NCR1: variants seen among roughly 807,000 people sequenced by gnomAD.
The protein encoded by NCR1 is natural cytotoxicity triggering receptor 1, also known as NK cell-activating receptor.
A neutral mutation model predicts 32.5 loss-of-function variants in NCR1; 30 were observed. That is an observed-to-expected ratio of 0.92 (90% CI 0.69 to 1.25). The LOEUF is 1.25. NCR1 is among the 50% of genes most tolerant of loss of function. The probability of loss-of-function intolerance (pLI) is 0.00; values close to 1 mark genes in which losing one functional copy is unlikely to be tolerated. For synonymous variants in NCR1, 169 were observed against 143.4 expected (o/e 1.18, Z -1.28); for missense variants, 369 against 380.7 (o/e 0.97, Z 0.26).
the NCR1 span, among the ~76,000 whole-genome samples, chr19:54,900,809 G>A: frequency 6.6e-6 from 1 of 152,132 alleles, no homozygotes; most frequent in Non-Finnish European, 1.5e-5. Flanking sequence ...GGGGATCGTG[G>A]TGATGGGCAG....
the NCR1 span, chr19:54,938,096 G>A: frequency 2.0e-4 from 325 of 1,613,926 alleles, 1 homozygote; most frequent in Middle Eastern, 1.6e-4. Flanking sequence ...CAAAGAATCC[G>A]CACAGAAGAG....
downstream of NCR1, among the ~76,000 whole-genome samples, chr19:54,914,091 A>AT (rs2068082133): frequency 1.3e-5 from 2 of 151,170 alleles, no homozygotes; most frequent in Non-Finnish European, 3.0e-5. Flanking sequence ...AAAAAAAAAA[A>AT]TAAGTGACTC....
intron 4 of NCR1, among the ~76,000 whole-genome samples, chr19:54,909,782 G>A (rs766755375): frequency 1.3e-5 from 2 of 150,714 alleles, no homozygotes; most frequent in Non-Finnish European, 3.0e-5. Context: ...TAAAAATACA[G>A]AAATTAGCCA....
rs1192903441 is a variant in NCR1 at position 54,910,022 on chromosome 19, C to T, written c.639C>T (p.Asp213=). Residue 213 remains aspartate (D), a synonymous_variant, in exon 5 of 7, where the codon GAC becomes GAT. Transcript: ENST00000291890. ...TTTCTTTATCTCCTTTTCCAGGCGA[C>T]ATTGAGAACACCAGCCTTGCACCTG... ...SEPVKLLVTG[D]IENTSLAPED... is the part of the protein sequence containing the mutation. 1.9e-6 allele frequency: 3 copies of T among 1,612,588 alleles called. No homozygotes were observed. Among genetic ancestry groups the T allele is most frequent in the Admixed American group, 3.3e-5 (2 of 59,822 alleles).
chr19:54,901,313 A>G (rs2067296553), upstream of NCR1, among the ~76,000 whole-genome samples: 1 of 132,490 alleles, frequency 7.5e-6, no homozygotes, highest in East Asian at 2.3e-4. Context: ...GAGAGCCGAG[A>G]TTGCGCCACT....
At chr19:54,933,902 G>A in the NCR1 span, among the ~76,000 whole-genome samples, 6 of 152,322 alleles carry the variant, frequency 3.9e-5, no homozygotes, top group Admixed American at 3.3e-4. Flanking sequence ...GCAGGAAGGC[G>A]AGAAGGCCAA....
Position 54,912,599 on chromosome 19 carries a change from C to CAAA in NCR1, c.734-54_734-52dup, listed in dbSNP as rs60025694. 35 of 375,312 alleles carry CAAA rather than the reference C, an allele frequency of 9.3e-5. 1 individual carries two copies. Among genetic ancestry groups the CAAA allele is most frequent in the South Asian group, 2.6e-4 (8 of 31,036 alleles). The allele number at this position is 375,312 out of a possible 1,614,324, so 23.2% of individuals were successfully genotyped here. ...GGGCGACAAGACTGAGGCTCTGTCT[C>CAAA]AAAAAAAAAAAAAAAAAAAAAAAAA... On this transcript the variant is annotated intron_variant, in intron 6 of 6. Transcript: ENST00000291890.
At chr19:54,921,161 C>T in the NCR1 span, among the ~76,000 whole-genome samples, 10,257 of 152,192 alleles carry the variant, frequency 0.067, 350 homozygotes, top group East Asian at 0.15. Flanking sequence ...TACACGGGAA[C>T]TTCATGTGCA....
downstream of NCR1, among the ~76,000 whole-genome samples, chr19:54,917,639 A>G (rs373921293): frequency 3.5e-4 from 54 of 152,234 alleles, no homozygotes; most frequent in South Asian, 5.8e-3. Flanking sequence ...TCTCTAGCCT[A>G]GCAGTTCTCT....
chr19:54,900,909 A>G, the NCR1 span, among the ~76,000 whole-genome samples: 1 of 152,054 alleles, frequency 6.6e-6, no homozygotes, highest in South Asian at 2.1e-4. Context: ...GAATACCACA[A>G]AATTTAAACC....
chr19:54,916,317 C>CTTTTTTTTTTTT (rs71181711), downstream of NCR1, among the ~76,000 whole-genome samples: 30 of 87,122 alleles, frequency 3.4e-4, 2 homozygotes, highest in African/African-American at 9.4e-4. Flanking sequence ...GAATATTGTG[C>CTTTTTTTTTTTT]TTTTTTTTTT....
In NCR1 at chr19:54,907,991, T is replaced by TA. The variant is rs759534552; in HGVS notation, c.355+1186dup. ...AGCTACTCATTTATTCTTTTTTTTT[T>TA]AATTTTTTTAGTATTTATTGATCAT... On this transcript the variant is annotated intron_variant, in intron 3 of 6. Transcript: ENST00000291890. Among the ~76,000 whole-genome samples, 21 of 152,178 alleles carry TA rather than the reference T, an allele frequency of 1.4e-4. No individual in the cohort carries two copies. The East Asian group carries it at 2.3e-3, about 17-fold the overall frequency.
At chr19:54,937,284 T>C in the NCR1 span, among the ~76,000 whole-genome samples, 2 of 151,472 alleles carry the variant, frequency 1.3e-5, no homozygotes, top group East Asian at 1.9e-4. Flanking sequence ...GGCTTAATAC[T>C]TGGGTGACAA....
chr19:54,933,742 G>A, the NCR1 span: 3 of 1,613,216 alleles, frequency 1.9e-6, no homozygotes, highest in Non-Finnish European at 2.5e-6. Flanking sequence ...TTTCCAACCT[G>A]CAAAAATATG....
the NCR1 span, among the ~76,000 whole-genome samples, chr19:54,936,656 T>C: frequency 6.6e-6 from 1 of 151,552 alleles, no homozygotes; most frequent in African/African-American, 2.4e-5. Flanking sequence ...ACTCCATCTC[T>C]ACAAAAAATA....
downstream of NCR1, among the ~76,000 whole-genome samples, chr19:54,916,861 A>G (rs564234338): frequency 2.0e-5 from 3 of 150,266 alleles, no homozygotes; most frequent in African/African-American, 7.3e-5. Flanking sequence ...CACCGCGCCC[A>G]GCCAGAAGAC....
chr19:54,915,651 AAAAT>A (rs1371756559), downstream of NCR1: 1 of 151,916 alleles, frequency 6.6e-6, no homozygotes, highest in Non-Finnish European at 1.5e-5. Flanking sequence ...ACTCCCTCTC[AAAAT>A]AAATAAACTG....
intron 3 of NCR1, among the ~76,000 whole-genome samples, chr19:54,908,705 A>G (rs2067777006): frequency 7.0e-6 from 1 of 142,932 alleles, no homozygotes; most frequent in Non-Finnish European, 1.5e-5. Flanking sequence ...GTACAATCTC[A>G]GCTCACTGCA....
At chr19:54,920,049 AATC>A (rs1300992732), downstream of NCR1, among the ~76,000 whole-genome samples, 24 of 152,354 alleles carry the variant, frequency 1.6e-4, no homozygotes, top group African/African-American at 5.3e-4. Flanking sequence ...ACTCATATAT[AATC>A]ATATCTAAGA....
Sources: allele counts gnomAD v4.1 joint callset (sites outside exome capture counted in the v4.1 genomes callset), GRCh38; gene constraint gnomAD v4.1.1; transcripts MANE v1.5; gene names NCBI Gene and HGNC (gene_info 2026-07-23, HGNC 2026-07-21).